CCDC97: variants seen among roughly 807,000 people sequenced by gnomAD.
CCDC97 encodes the protein coiled-coil domain containing 97, also known as coiled-coil domain-containing protein 97.
Under a neutral mutation model 33.9 loss-of-function variants are expected in CCDC97, and 27 were observed. The observed-to-expected ratio is 0.80, with a 90% CI of 0.59 to 1.10. CCDC97 has a LOEUF of 1.10. CCDC97 is among the 50% of genes least tolerant of loss of function. The pLI is 0.00. For synonymous variants in CCDC97, 217 were observed against 194.0 expected, an observed-to-expected ratio of 1.12 and a Z score of -0.99; for missense variants, 422 against 476.6, an observed-to-expected ratio of 0.89 and a Z score of 1.07.
chr19:41,320,599 A>G (rs768402119), intron 4 of CCDC97, 129 bp downstream of exon 4: 3 of 1,240,432 alleles, frequency 2.4e-6, no homozygotes, highest in South Asian at 2.7e-5. Flanking sequence ...CAGTTCCAGG[A>G]TGTGGGGTTG....
rs1392029246 is a variant in CCDC97 at position 41,319,718 on chromosome 19, C to T, written c.647C>T (p.Pro216Leu). 6.2e-7 allele frequency: 1 copy of T among 1,613,968 alleles called. No individual in the cohort carries two copies. The highest frequency in any genetic ancestry group is 1.7e-5 in the Admixed American group (1 of 60,022). ...QPPKPGSPGR[P>L]ACPLSNLLLQ... ...CCCAAGCCCGGGTCCCCCGGGAGAC[C>T]TGCTTGCCCGCTCTCCAACTTGCTG... The change falls in exon 3 of 5, where the codon CCT becomes CTT. Residue 216 changes from proline (P) to leucine (L), a missense_variant. By Grantham distance (98) the Pro-to-Leu change is moderately conservative. Transcript: ENST00000269967.
In CCDC97 at chr19:41,316,651, TG is replaced by T. The variant is rs751897410; in HGVS notation, c.316del (p.Val106CysfsTer60). On this transcript the variant is annotated frameshift_variant, in exon 2 of 5. Transcript: ENST00000269967. LOFTEE classifies it high-confidence loss of function. ...GCCCAGCTGTACCACGAGAAGCCAC[TG>T]GTGTTCCTGGAGCGCTTCCGCACAG... The part of the protein sequence containing the change: ...ILAQLYHEKP[L>X]VFLERFRTGL... The T allele has an allele frequency of 1.2e-6, 2 of 1,614,178 alleles. No homozygotes were observed. The highest frequency in any genetic ancestry group is 2.2e-5 in the South Asian group (2 of 91,086).
rs774152796 is a variant in CCDC97, at chr19:41,316,697, G to A, written c.360G>A (p.Leu120=). ...RFRTGLREEH[L]ACFGHVRGDH... is the part of the protein sequence containing the mutation. Reference sequence around the variant, plus strand: ...GCACAGGCCTCCGTGAGGAGCATCTGGCCTGCTTTGGCCACGTGCGTGGCG... The same window carrying A: ...GCACAGGCCTCCGTGAGGAGCATCTAGCCTGCTTTGGCCACGTGCGTGGCG... Residue 120 remains leucine, a synonymous_variant, in exon 2 of 5, where the codon CTG becomes CTA. Transcript: ENST00000269967. The A allele has an allele frequency of 6.2e-7, 1 of 1,614,076 alleles. No individual in the cohort carries two copies. Among genetic ancestry groups the A allele is most frequent in the East Asian group, 2.2e-5 (1 of 44,888 alleles).
Position 41,316,405 on chromosome 19 carries a change from G to A in CCDC97, c.68G>A (p.Gly23Glu), listed in dbSNP as rs763610697. 1 of 1,612,700 alleles carries A rather than the reference G, an allele frequency of 6.2e-7. No individual in the cohort carries two copies. Among genetic ancestry groups the A allele is most frequent in the East Asian group, 2.2e-5 (1 of 44,808 alleles). ...PDKGCIEPGP[G>E]HWGELSRTPV... is the part of the protein sequence containing the mutation. ...TCAGGCTGCATAGAGCCTGGACCTGGGCACTGGGGTGAGCTGAGCCGGACA... is the reference window on the plus strand; with the variant it reads ...TCAGGCTGCATAGAGCCTGGACCTGAGCACTGGGGTGAGCTGAGCCGGACA... The change falls in exon 2 of 5, where the codon GGG becomes GAG. Residue 23 changes from glycine (G) to glutamate (E), a missense_variant. By Grantham distance (98) the Gly-to-Glu change is moderately conservative (BLOSUM62 -2). Coordinates refer to ENST00000269967, the MANE Select transcript of CCDC97 (RefSeq NM_052848.3).
intron 4 of CCDC97, among the ~76,000 whole-genome samples, 171 bp from the exon 5 acceptor site, chr19:41,322,424 T>C (rs2037833394): frequency 6.6e-6 from 1 of 152,026 alleles, no homozygotes; most frequent in Non-Finnish European, 1.5e-5. Context: ...ATTTGGAAAA[T>C]GTTCCCTTGA....
chr19:41,310,320 G>A lies in CCDC97; in HGVS notation c.10G>A (p.Val4Met), dbSNP rs768673649. 1.8e-5 allele frequency: 29 copies of A among 1,604,926 alleles called. No individual in the cohort carries two copies. Among genetic ancestry groups the A allele is most frequent in the Non-Finnish European group, 2.3e-5 (27 of 1,176,208 alleles). Reference sequence around the variant, plus strand: ...GTCCGAGAGAATCAGGATGGAGGCCGTGGCGACGGCGACGGCGGCGAAGGA... The same window carrying A: ...GTCCGAGAGAATCAGGATGGAGGCCATGGCGACGGCGACGGCGGCGAAGGA... MEA[V>M]ATATAAKEPD... Residue 4 changes from valine to methionine, a missense_variant, in exon 1 of 5, where the codon GTG becomes ATG. Transcript: ENST00000269967.
In CCDC97 at chr19:41,316,240, T is replaced by A. The variant is rs562745484; in HGVS notation, c.47-144T>A. The A allele has an allele frequency of 1.6e-5, 10 of 619,142 alleles. No individual in the cohort carries two copies. The African/African-American group carries it at 1.8e-4, about 11-fold the overall frequency. 38.4% of individuals were successfully genotyped at this position (619,142 alleles called of 1,614,324 possible). ...TGTGTCCCCTACTGAAATGTCAACT[T>A]TTGCTCACTGTGGTTTCTCTAGTGC... On this transcript the variant is annotated intron_variant, in intron 1 of 4. Coordinates refer to ENST00000269967, the MANE Select transcript of CCDC97 (RefSeq NM_052848.3).
chr19:41,316,883 A>G (rs747985851), intron 2 of CCDC97, 44 bp downstream of exon 2: 1 of 1,418,468 alleles, frequency 7.0e-7, no homozygotes, highest in South Asian at 1.3e-5. Flanking sequence ...ATGGGGAGGG[A>G]GGGGAGACTG....
intron 2 of CCDC97, among the ~76,000 whole-genome samples, chr19:41,318,828 A>C (rs1010867371): frequency 1.3e-5 from 2 of 152,174 alleles, no homozygotes; most frequent in African/African-American, 4.8e-5. Context: ...TCCCAGGGAT[A>C]CACGGGCAGA....
At chr19:41,313,176 C>T (rs1318229459) in intron 1 of CCDC97, among the ~76,000 whole-genome samples, 1 of 152,096 alleles carries the variant, frequency 6.6e-6, no homozygotes, top group Non-Finnish European at 1.5e-5. Context: ...CGCATCTGTG[C>T]AGTGCTTTTT....
At position 41,322,642 on chromosome 19, in the gene CCDC97, G is replaced by A. The variant is rs200507915; in HGVS notation, c.959G>A (p.Arg320Gln). The A allele has an allele frequency of 1.2e-5, 19 of 1,613,410 alleles. No homozygotes were observed. The highest frequency in any genetic ancestry group is 3.3e-5 in the Admixed American group (2 of 59,970). ...PDFDNLDIVA[R>Q]DEEERYFDEE... is the part of the protein sequence containing the mutation. ...TTCGACAACCTCGACATCGTGGCACGGGATGAGGAGGAGAGGTACTTTGAT... is the reference window on the plus strand; with the variant it reads ...TTCGACAACCTCGACATCGTGGCACAGGATGAGGAGGAGAGGTACTTTGAT... The change falls in exon 5 of 5, where the codon CGG becomes CAG. Residue 320 changes from arginine (R) to glutamine (Q), a missense_variant. Coordinates refer to ENST00000269967, the MANE Select transcript of CCDC97 (RefSeq NM_052848.3).
In CCDC97 at chr19:41,319,555, C is replaced by T; in HGVS notation, c.503-19C>T. 3.8e-6 allele frequency: 6 copies of T among 1,559,152 alleles called. No homozygotes were observed. Among genetic ancestry groups the T allele is most frequent in the East Asian group, 4.5e-5 (2 of 44,264 alleles). ...CTCAGTCGCTCACCCCATGCCCACCCTGTCTCTCCTCTGTGCAGGGGGCGA... is the reference window on the plus strand; with the variant it reads ...CTCAGTCGCTCACCCCATGCCCACCTTGTCTCTCCTCTGTGCAGGGGGCGA... On this transcript the variant is annotated intron_variant, in intron 2 of 4. Transcript: ENST00000269967.
In CCDC97 at chr19:41,316,293, T is replaced by C. The variant is rs1017514006; in HGVS notation, c.47-91T>C. On this transcript the variant is annotated intron_variant, in intron 1 of 4. Coordinates refer to ENST00000269967, the MANE Select transcript of CCDC97 (RefSeq NM_052848.3). The stretch of plus-strand genomic sequence containing the variant: ...AGAACAGTGCCCAGAATATAGTCAG[T>C]GCCCAGTAAATGTGAGCTGAGTGAG... 9.2e-6 allele frequency: 9 copies of C among 978,394 alleles called. No individual in the cohort carries two copies. In the African/African-American group the frequency reaches 1.5e-4, roughly 16 times the overall value. The allele number at this position is 978,394 out of a possible 1,614,324, so 60.6% of individuals were successfully genotyped here. A position where few individuals can be genotyped will look rare whatever the true frequency, so the allele number is the denominator to read the frequency against.
intron 1 of CCDC97, among the ~76,000 whole-genome samples, chr19:41,314,365 A>G (rs2037720247): frequency 6.6e-6 from 1 of 151,706 alleles, no homozygotes; most frequent in South Asian, 2.1e-4. Flanking sequence ...TGGTCTTGAA[A>G]TCCCGACCTC....
At chr19:41,320,637 C>T (rs1410303776) in intron 4 of CCDC97, 167 bp downstream of exon 4, 2 of 777,124 alleles carry the variant, frequency 2.6e-6, no homozygotes, top group African/African-American at 3.5e-5. Context: ...GCTGGGTGAC[C>T]TCGGACTAGC....
intron 4 of CCDC97, among the ~76,000 whole-genome samples, chr19:41,321,548 G>A (rs567217701): frequency 5.9e-5 from 9 of 152,350 alleles, no homozygotes; most frequent in Non-Finnish European, 8.8e-5. Context: ...AGGCTTCCCT[G>A]CCTGAAAAGG....
intron 3 of CCDC97, 59 bp downstream of exon 3, chr19:41,319,911 GTC>G (rs1277579822): frequency 1.2e-6 from 1 of 806,688 alleles, no homozygotes; most frequent in African/African-American, 1.7e-5. Flanking sequence ...AGGCCTGTCT[GTC>G]TCCACTTCAT....
intron 1 of CCDC97, 189 bp downstream of exon 1, chr19:41,310,545 A>G (rs1014180340): frequency 5.1e-6 from 5 of 984,886 alleles, no homozygotes; most frequent in Non-Finnish European, 6.0e-6. Flanking sequence ...CTTTTCCTCC[A>G]TTCCTTCCCC....
intron 4 of CCDC97, chr19:41,320,747 C>T (rs573045896): frequency 7.2e-4 from 255 of 351,832 alleles, no homozygotes; most frequent in African/African-American, 5.0e-3. Flanking sequence ...ACACTTCCCT[C>T]CTGGCAATGG....
Sources: allele counts gnomAD v4.1 joint callset (sites outside exome capture counted in the v4.1 genomes callset), GRCh38; gene constraint gnomAD v4.1.1; transcripts MANE v1.5; gene names NCBI Gene and HGNC (gene_info 2026-07-23, HGNC 2026-07-21).